Variants in RBPJ observed in about 807,000 individuals in gnomAD.
The protein encoded by RBPJ is recombination signal binding protein for immunoglobulin kappa J region.
Under a neutral mutation model 67.8 loss-of-function variants are expected in RBPJ, and 9 were observed. The observed-to-expected ratio is 0.13, with a 90% CI of 0.08 to 0.23. The LOEUF (loss-of-function observed/expected upper bound fraction) is 0.23, where lower values mean the gene tolerates loss of function less well. RBPJ is among the 10% of genes least tolerant of loss of function. The pLI, the probability that RBPJ is intolerant of heterozygous loss-of-function variation, is 1.00. For missense variants in RBPJ, 305 were observed against 595.6 expected, an observed-to-expected ratio of 0.51 and a Z score of 5.08; for synonymous variants, 198 against 203.3, an observed-to-expected ratio of 0.97 and a Z score of 0.22.
chr4:26,130,856 G>C, the RBPJ span, among the ~76,000 whole-genome samples: 4 of 152,212 alleles, frequency 2.6e-5, no homozygotes, highest in Admixed American at 6.5e-5. Flanking sequence ...CTTACAAATA[G>C]AGTACAAGCA....
At chr4:26,214,764 AAAAAGAG>A (rs140827308) in intron 1 of RBPJ, among the ~76,000 whole-genome samples, 78,696 of 119,678 alleles carry the variant, frequency 0.66, 26,391 homozygotes, top group East Asian at 0.93. Flanking sequence ...AAAAGAGAGA[AAAAAGAG>A]AAAGAAAGAA....
chr4:26,196,679 A>C (rs1194421581), intron 1 of RBPJ, among the ~76,000 whole-genome samples: 1 of 152,214 alleles, frequency 6.6e-6, no homozygotes, highest in African/African-American at 2.4e-5. Flanking sequence ...GAAATATTTC[A>C]AAAATACATA....
chr4:26,255,693 G>T (rs190028708), intron 1 of RBPJ, among the ~76,000 whole-genome samples: 5,564 of 149,586 alleles, frequency 0.037, 394 homozygotes, highest in African/African-American at 0.13. Context: ...TCCCAGCTAC[G>T]CGGGAGGCTG....
chr4:26,255,377 C>G (rs1392551265), intron 1 of RBPJ, among the ~76,000 whole-genome samples: 1 of 98,194 alleles, frequency 1.0e-5, no homozygotes, highest in African/African-American at 5.3e-5. Context: ...GCACTCCAGC[C>G]TGGGCGACAG....
chr4:26,245,439 C>A (rs1021595053), intron 1 of RBPJ, among the ~76,000 whole-genome samples: 3 of 151,958 alleles, frequency 2.0e-5, no homozygotes, highest in African/African-American at 7.3e-5. Context: ...GAACTCCTGA[C>A]CTTGTGGTCC....
At chr4:26,138,350 G>C in the RBPJ span, among the ~76,000 whole-genome samples, 1 of 148,624 alleles carries the variant, frequency 6.7e-6, no homozygotes, top group African/African-American at 2.5e-5. Context: ...CCTGTCCGAT[G>C]CTGGGGCCTC....
intron 1 of RBPJ, among the ~76,000 whole-genome samples, chr4:26,191,760 G>A (rs1717560397): frequency 6.6e-6 from 1 of 152,054 alleles, no homozygotes; most frequent in Non-Finnish European, 1.5e-5. Flanking sequence ...GGTCATAAAG[G>A]CACTCTTTGC....
At chr4:26,331,445 T>C (rs560964849) in intron 1 of RBPJ, among the ~76,000 whole-genome samples, 2 of 152,100 alleles carry the variant, frequency 1.3e-5, no homozygotes, top group Non-Finnish European at 2.9e-5. Context: ...CTTTTAATGT[T>C]ACATGCATTT....
the RBPJ span, among the ~76,000 whole-genome samples, chr4:26,151,285 G>A: frequency 6.6e-6 from 1 of 152,092 alleles, no homozygotes; most frequent in Non-Finnish European, 1.5e-5. Flanking sequence ...GACTAATGCT[G>A]AATTATAGCA....
Position 26,424,829 on chromosome 4 carries a change from C to T in RBPJ, c.747+86C>T, listed in dbSNP as rs1735478888. On this transcript the variant is annotated intron_variant, in intron 7 of 10. Coordinates refer to ENST00000355476, the MANE Select transcript of RBPJ (RefSeq NM_015874.6). This position sits in a 1 kb window ranked among gnomAD's most constrained non-coding sequence, Gnocchi z 5.3. ...AAATCACAACATTCAAATGGAAAAA[C>T]ACACCTCAGTTTTATGCTTTTTAAT... The T allele has an allele frequency of 1.3e-6, 1 of 768,520 alleles. No homozygotes were observed. Among genetic ancestry groups the T allele is most frequent in the South Asian group, 1.7e-5 (1 of 59,590 alleles). 47.6% of individuals were successfully genotyped at this position (768,520 alleles called of 1,614,324 possible). A position where few individuals can be genotyped will look rare whatever the true frequency, so the allele number is the denominator to read the frequency against.
At position 26,264,621 on chromosome 4, in the gene RBPJ, G is replaced by C. The variant is rs1282506368; in HGVS notation, c.-166-97825G>C. ...GCACATACACTCACACACACTTGCT[G>C]TCTTCCTCTCTTCCCCATCTAGCCA... is the stretch of plus-strand genomic sequence containing the variant. On this transcript the variant is annotated intron_variant, in intron 1 of 4. Transcript: ENST00000512351. The surrounding 1 kb of genome is among the most constrained non-coding windows in gnomAD (Gnocchi z 4.1). Among the ~76,000 whole-genome samples the C allele has an allele frequency of 1.3e-5, 2 of 152,056 alleles. No individual in the cohort carries two copies. The highest frequency in any genetic ancestry group is 1.3e-4 in the Admixed American group (2 of 15,264).
chr4:26,245,538 C>T (rs1719900549), intron 1 of RBPJ, among the ~76,000 whole-genome samples: 1 of 152,106 alleles, frequency 6.6e-6, no homozygotes, highest in African/African-American at 2.4e-5. Flanking sequence ...GTTGTCTTTT[C>T]ACTTTTGTGA....
chr4:26,271,004 C>T (rs533211992), intron 1 of RBPJ, among the ~76,000 whole-genome samples: 36 of 152,056 alleles, frequency 2.4e-4, no homozygotes, highest in Middle Eastern at 3.4e-3. Flanking sequence ...AACTTTTATA[C>T]AGTATATTAT....
Position 26,298,351 on chromosome 4 carries a change from A to G in RBPJ, c.-166-64095A>G, listed in dbSNP as rs1410191715. Among the ~76,000 whole-genome samples the G allele has an allele frequency of 3.3e-5, 5 of 152,244 alleles. No homozygotes were observed. The East Asian group carries it at 5.8e-4, about 18-fold the overall frequency. Reference sequence around the variant, plus strand: ...CATTCAAAACACACATTATAAACAAAGTCTCCCAAATGACCATCTAGAGAG... The same window carrying G: ...CATTCAAAACACACATTATAAACAAGGTCTCCCAAATGACCATCTAGAGAG... On this transcript the variant is annotated intron_variant, in intron 1 of 4. Coordinates refer to the RBPJ transcript ENST00000512351.
rs538959695 is a variant in RBPJ at position 26,337,293 on chromosome 4, A to AT, written c.20+16251dup. Among the ~76,000 whole-genome samples, 21 of 152,232 alleles carry AT rather than the reference A, an allele frequency of 1.4e-4. No individual in the cohort carries two copies. In the South Asian group the frequency reaches 3.5e-3, roughly 26 times the overall value. On this transcript the variant is annotated intron_variant, in intron 1 of 10. Coordinates refer to ENST00000355476, the MANE Select transcript of RBPJ (RefSeq NM_015874.6). ...GCCTGTTTAGTGTTTGATGCATAGT[A>AT]TTTTTTAGATGGCTATTGAATGCAT...
intron 1 of RBPJ, among the ~76,000 whole-genome samples, chr4:26,227,799 A>G (rs1719130258): frequency 6.6e-6 from 1 of 152,248 alleles, no homozygotes; most frequent in Non-Finnish European, 1.5e-5. Flanking sequence ...GACACATGTC[A>G]GATGTCAGCA....
At chr4:26,243,661 T>C (rs1011798680) in intron 1 of RBPJ, among the ~76,000 whole-genome samples, 3 of 152,236 alleles carry the variant, frequency 2.0e-5, no homozygotes, top group Non-Finnish European at 4.4e-5. Context: ...ATAATTTAAA[T>C]TTAGCAGAAT....
At chr4:26,143,647 C>A in the RBPJ span, among the ~76,000 whole-genome samples, 1 of 152,240 alleles carries the variant, frequency 6.6e-6, no homozygotes, top group South Asian at 2.1e-4. Context: ...CACATTAAGG[C>A]TGGACGTGGT....
In RBPJ at chr4:26,349,300, G is replaced by A. The variant is rs192493505; in HGVS notation, c.20+28252G>A. The stretch of plus-strand genomic sequence containing the variant: ...TTGCCCAGGCTGGCCTCAAACTTCT[G>A]GACGCAAGTGATCCTCCCACCTCAG... On this transcript the variant is annotated intron_variant, in intron 1 of 10. Coordinates refer to ENST00000355476, the MANE Select transcript of RBPJ (RefSeq NM_015874.6). 4.3e-3 allele frequency among the ~76,000 whole-genome samples: 658 copies of A among 152,222 alleles called. 5 individuals are homozygous for A. The highest frequency in any genetic ancestry group is 0.015 in the African/African-American group (634 of 41,548).
Sources: allele counts gnomAD v4.1 joint callset (sites outside exome capture counted in the v4.1 genomes callset), GRCh38; gene constraint gnomAD v4.1.1; non-coding constraint Gnocchi (gnomAD v3.1); transcripts MANE v1.5; gene names NCBI Gene and HGNC (gene_info 2026-07-23, HGNC 2026-07-21).